The following STAT3 variants were observed in gnomAD, a reference collection of about 807,000 sequenced individuals.
STAT3 encodes DNA-binding protein APRF.
Under a neutral mutation model 114.3 loss-of-function variants are expected in STAT3, and 7 were observed. The observed-to-expected ratio is 0.06, with a 90% CI of 0.03 to 0.11. The LOEUF is 0.11. Among genes scored for constraint, STAT3 ranks in the 10% least tolerant of loss-of-function variants. The probability of loss-of-function intolerance (pLI) is 1.00; values close to 1 mark genes in which losing one functional copy is unlikely to be tolerated. For missense variants in STAT3, 364 were observed against 960.9 expected (o/e 0.38, Z 8.21); for synonymous variants, 331 against 354.5 (o/e 0.93, Z 0.74).
chr17:42,329,191 G>T (rs899094665), intron 14 of STAT3, among the ~76,000 whole-genome samples: 6 of 152,164 alleles, frequency 3.9e-5, no homozygotes, highest in African/African-American at 1.4e-4. Flanking sequence ...CCTTAAGGAG[G>T]AGCCAACTCC....
rs1319979477 is a variant in STAT3 at position 42,324,719 on chromosome 17, T to C, written c.1592A>G (p.Lys531Arg). 5 of 1,613,586 alleles carry C rather than the reference T, an allele frequency of 3.1e-6. No homozygotes were observed. The Admixed American group carries it at 6.7e-5, about 22-fold the overall frequency. Residue 531 changes from lysine (K) to arginine (R), a missense_variant, in exon 17 of 24, where the codon AAA becomes AGA. By Grantham distance (26) the Lys-to-Arg change is conservative. Coordinates refer to ENST00000264657, the MANE Select transcript of STAT3 (RefSeq NM_139276.3). The surrounding 1 kb of genome is among the most constrained non-coding windows in gnomAD (Gnocchi z 4.5). Reference sequence around the variant, plus strand: ...AGGGGTGAAATGCGGACCCAAGAGTTTCTCTGCCAGTGTAGTCAGCTGCTC... The same window carrying C: ...AGGGGTGAAATGCGGACCCAAGAGTCTCTCTGCCAGTGTAGTCAGCTGCTC... The part of the protein sequence containing the change: ...SIEQLTTLAE[K>R]LLGPGVNYSG...
chr17:42,365,647 T>TG (rs202053060), intron 1 of STAT3, among the ~76,000 whole-genome samples: 14,297 of 148,252 alleles, frequency 0.096, 768 homozygotes, highest in Admixed American at 0.12. Context: ...AAGTTTTTTT[T>TG]TTTTGTTTTT....
At chr17:42,319,879 C>G (rs564393139) in intron 21 of STAT3, among the ~76,000 whole-genome samples, 1 of 152,200 alleles carries the variant, frequency 6.6e-6, no homozygotes, top group Non-Finnish European at 1.5e-5. Context: ...GGGCACACTC[C>G]TCTCAGCAAG....
In STAT3 at chr17:42,323,639, AAAGAGTC is replaced by A. The variant is rs771502261; in HGVS notation, c.1601-21_1601-15del. 14 of 1,613,940 alleles carry A rather than the reference AAAGAGTC, an allele frequency of 8.7e-6. No individual in the cohort carries two copies. The highest frequency in any genetic ancestry group is 1.2e-5 in the Non-Finnish European group (14 of 1,179,826). Reference sequence around the variant, plus strand: ...TCACACCAGGTCCTGAAGGAAAGAAAAAGAGTCAAGTAGTACATTTTCAGCTTGGGGT... The same window carrying A: ...TCACACCAGGTCCTGAAGGAAAGAAAAAGTAGTACATTTTCAGCTTGGGGT... On this transcript the variant is annotated splice_polypyrimidine_tract_variant and intron_variant, in intron 17 of 23. Coordinates refer to ENST00000264657, the MANE Select transcript of STAT3 (RefSeq NM_139276.3).
chr17:42,321,077 T>C (rs754611972), intron 21 of STAT3, among the ~76,000 whole-genome samples: 35 of 149,526 alleles, frequency 2.3e-4, no homozygotes, highest in Non-Finnish European at 4.6e-4. Context: ...TGAACCCCCA[T>C]GCCCAGCTGA....
chr17:42,342,205 G>A (rs916215490), intron 4 of STAT3, among the ~76,000 whole-genome samples: 5 of 152,080 alleles, frequency 3.3e-5, no homozygotes, highest in Non-Finnish European at 5.9e-5. Context: ...CACTAGGGCC[G>A]GACACAGTGG....
chr17:42,337,847 A>C lies in STAT3; in HGVS notation c.561T>G (p.Asp187Glu). The C allele has an allele frequency of 6.2e-7, 1 of 1,614,146 alleles. No individual in the cohort carries two copies. ...KTLKSQGDMQ[D>E]LNGNNQSVTR... is the part of the protein sequence containing the mutation. ...TCACTGACTGGTTGTTTCCATTCAG[A>C]TCTTGCATGTCTGCGAAGGAAGAAA... The change falls in exon 7 of 24, where the codon GAT becomes GAG. Residue 187 changes from aspartate to glutamate, a missense_variant. Physicochemically the swap from Asp to Glu is conservative, Grantham distance 45 (BLOSUM62 2). Around this residue, in one of 5 missense-constraint regions of STAT3, gnomAD observed 294 missense variants for 745.1 expected, o/e 0.39. Coordinates refer to ENST00000264657, the MANE Select transcript of STAT3 (RefSeq NM_139276.3). This position sits in a 1 kb window ranked among gnomAD's most constrained non-coding sequence, Gnocchi z 4.0.
At chr17:42,348,319 A>C in intron 2 of STAT3, 70 bp downstream of exon 2, 1 of 1,596,258 alleles carries the variant, frequency 6.3e-7, no homozygotes, top group Non-Finnish European at 8.6e-7. Context: ...AAGGCATGAC[A>C]TTAAGAGTTC....
rs1405483226 is a variant in STAT3, at chr17:42,314,744, AG to A, written c.*1000del. Reference sequence around the variant, plus strand: ...ACACCAAAGGCCAGGTTGCAGCTTCAGATGTCTTAAGGGTTTGACCTGAAGC... The same window carrying A: ...ACACCAAAGGCCAGGTTGCAGCTTCAATGTCTTAAGGGTTTGACCTGAAGC... On this transcript the variant is annotated 3_prime_UTR_variant, in exon 24 of 24. Transcript: ENST00000264657. 3.7e-5 allele frequency: 8 copies of A among 218,056 alleles called. No individual in the cohort carries two copies. The highest frequency in any genetic ancestry group is 1.8e-4 in the African/African-American group (8 of 44,538). 13.5% of individuals were successfully genotyped at this position (218,056 alleles called of 1,614,324 possible).
chr17:42,320,784 TCAAA>T (rs2081441356), intron 21 of STAT3, among the ~76,000 whole-genome samples: 1 of 131,772 alleles, frequency 7.6e-6, no homozygotes, highest in African/African-American at 2.9e-5. Context: ...GAAAGTTAAA[TCAAA>T]CAAAGAATGG....
At chr17:42,345,391 G>T in intron 4 of STAT3, 168 bp downstream of exon 4, 1 of 640,632 alleles carries the variant, frequency 1.6e-6, no homozygotes. Context: ...GTATTTTGGG[G>T]GGTGGAACTT....
intron 6 of STAT3, 23 bp downstream of exon 6, chr17:42,338,708 T>C (rs1428974557): frequency 3.8e-6 from 6 of 1,595,508 alleles, no homozygotes; most frequent in Non-Finnish European, 5.2e-6. Flanking sequence ...CTAGAGATTT[T>C]AACATCTCTA....
chr17:42,320,727 TAAAAAA>T (rs756271214), intron 21 of STAT3, among the ~76,000 whole-genome samples: 8 of 60,092 alleles, frequency 1.3e-4, no homozygotes, highest in African/African-American at 3.8e-4. Flanking sequence ...AGACTTAGTC[TAAAAAA>T]AAAAAAAAAA....
chr17:42,373,203 A>G (rs2145280020), intron 1 of STAT3, among the ~76,000 whole-genome samples: 1 of 152,296 alleles, frequency 6.6e-6, no homozygotes, highest in Non-Finnish European at 1.5e-5. Context: ...ACAAAAAATT[A>G]GCCAGGCGTG....
intron 1 of STAT3, among the ~76,000 whole-genome samples, chr17:42,359,225 C>T (rs995144335): frequency 1.3e-5 from 2 of 152,148 alleles, no homozygotes; most frequent in South Asian, 2.1e-4. Context: ...GTAAAGCCAC[C>T]GCACCCAGCC....
intron 1 of STAT3, chr17:42,374,272 G>C (rs1444548440): frequency 6.6e-6 from 1 of 152,214 alleles, no homozygotes; most frequent in East Asian, 1.9e-4. Flanking sequence ...GTTTGTGTTG[G>C]GGATAGCCCA....
intron 1 of STAT3, among the ~76,000 whole-genome samples, chr17:42,383,269 C>G (rs1249787203): frequency 6.6e-6 from 1 of 151,950 alleles, no homozygotes; most frequent in East Asian, 1.9e-4. Flanking sequence ...GTTGGCCAGG[C>G]TGGTCTCAAA....
rs988190105 is a variant in STAT3, at chr17:42,324,352, A to G, written c.1600+359T>C. ...AATAAATAAATAAAATAAGACAAAA[A>G]AAACCAACTAGCCTATAGTTTATTA... On this transcript the variant is annotated intron_variant, in intron 17 of 23. Transcript: ENST00000264657. This position sits in a 1 kb window ranked among gnomAD's most constrained non-coding sequence, Gnocchi z 4.5. 4.6e-5 allele frequency among the ~76,000 whole-genome samples: 7 copies of G among 152,094 alleles called. No individual in the cohort carries two copies. The highest frequency in any genetic ancestry group is 1.7e-4 in the African/African-American group (7 of 41,408).
chr17:42,373,576 A>G (rs183911592), intron 1 of STAT3, among the ~76,000 whole-genome samples: 1 of 151,838 alleles, frequency 6.6e-6, no homozygotes, highest in Admixed American at 6.6e-5. Context: ...TAAAAATAAT[A>G]AAGTCTATTA....
Sources: gnomAD v4.1 joint callset for allele counts (sites outside exome capture counted in the v4.1 genomes callset) on GRCh38, gnomAD v4.1.1 for gene constraint, gnomAD v4.1.1 regional missense constraint, Gnocchi (gnomAD v3.1) non-coding constraint, MANE v1.5 for transcripts, NCBI Gene and HGNC (gene_info 2026-07-23, HGNC 2026-07-21) for gene names.